Variants in PSMD5 observed in about 807,000 individuals in gnomAD.
PSMD5 encodes 26S proteasome non-ATPase regulatory subunit 5.
In PSMD5, 40 loss-of-function variants were observed where a neutral mutation model predicts 52.1. The observed-to-expected ratio is 0.77, with a 90% confidence interval of 0.60 to 1.00. The LOEUF (loss-of-function observed/expected upper bound fraction) is 1.00. Among genes scored for constraint, PSMD5 ranks in the 50% least tolerant of loss-of-function variants. The probability of loss-of-function intolerance (pLI) is 0.00; values close to 1 mark genes in which losing one functional copy is unlikely to be tolerated. For missense variants in PSMD5, 575 were observed against 605.2 expected, an observed-to-expected ratio of 0.95 and a Z score of 0.52; for synonymous variants, 211 against 226.6, an observed-to-expected ratio of 0.93 and a Z score of 0.62.
intron 5 of PSMD5, among the ~76,000 whole-genome samples, chr9:120,827,423 T>C (rs928327881): frequency 6.6e-5 from 10 of 152,246 alleles, no homozygotes; most frequent in Admixed American, 5.9e-4. Flanking sequence ...TACACAATTA[T>C]AATGCCACTG....
At chr9:120,824,791 T>A in intron 6 of PSMD5, 106 bp from the exon 7 acceptor site, 1 of 939,440 alleles carries the variant, frequency 1.1e-6, no homozygotes, top group Non-Finnish European at 1.6e-6. Context: ...CAGAAAAGCA[T>A]AGAAAGGTTA....
chr9:120,835,389 A>G (rs1310931511), intron 1 of PSMD5, among the ~76,000 whole-genome samples: 1 of 152,198 alleles, frequency 6.6e-6, no homozygotes, highest in African/African-American at 2.4e-5. Context: ...TTTGAGAATG[A>G]TTCTGTTTAT....
Position 120,820,964 on chromosome 9 carries a change from C to T in PSMD5, c.1132G>A (p.Asp378Asn). Residue 378 changes from aspartate (D) to asparagine (N), a missense_variant, in exon 9 of 10, where the codon GAT becomes AAT. Asp to Asn is a conservative substitution (Grantham distance 23). Transcript: ENST00000210313. ...LLYLPPEQQT[D>N]DLLRMTESWF... is the part of the protein sequence containing the mutation. ...GATTCTGTCATCCTCAGAAGGTCAT[C>T]AGTCTGCTGCTCAGGCTACAGGAAA... 1 of 1,592,350 alleles carries T rather than the reference C, an allele frequency of 6.3e-7. No individual in the cohort carries two copies.
In PSMD5 at chr9:120,831,190, G is replaced by T. The variant is rs767961167; in HGVS notation, c.561+141C>A. On this transcript the variant is annotated intron_variant, in intron 4 of 9. Transcript: ENST00000210313. ...TTTTTATGACTGTCTCACATACTAG[G>T]CTGGGAATGCATCCTTATATTCCCA... 5 of 872,548 alleles carry T rather than the reference G, an allele frequency of 5.7e-6. No individual in the cohort carries two copies. The East Asian group carries it at 1.2e-4, about 20-fold the overall frequency. 54.1% of individuals were successfully genotyped at this position (872,548 alleles called of 1,614,324 possible).
intron 1 of PSMD5, among the ~76,000 whole-genome samples, chr9:120,836,399 T>G (rs951396559): frequency 2.0e-5 from 2 of 100,440 alleles, no homozygotes; most frequent in East Asian, 4.1e-4. Context: ...CATCTGTACT[T>G]TTTTTTTTTT....
At chr9:120,835,328 A>G (rs2045190457) in intron 1 of PSMD5, among the ~76,000 whole-genome samples, 1 of 152,236 alleles carries the variant, frequency 6.6e-6, no homozygotes, top group Admixed American at 6.5e-5. Context: ...ATATGAATAA[A>G]CCTTTAAAAT....
At chr9:120,824,390 T>C (rs2045107455) in intron 7 of PSMD5, 104 bp downstream of exon 7, 1 of 1,103,164 alleles carries the variant, frequency 9.1e-7, no homozygotes, top group African/African-American at 1.6e-5. Context: ...CTGCCACCCA[T>C]AAAATAGTTT....
chr9:120,829,428 C>CT (rs1276169383), intron 4 of PSMD5, among the ~76,000 whole-genome samples: 6 of 152,140 alleles, frequency 3.9e-5, no homozygotes, highest in Admixed American at 3.9e-4. Flanking sequence ...GAGTCTCACT[C>CT]TGTCACCTAG....
intron 7 of PSMD5, among the ~76,000 whole-genome samples, chr9:120,821,716 T>C (rs1588066368): frequency 1.3e-5 from 2 of 152,184 alleles, no homozygotes; most frequent in South Asian, 4.1e-4. Context: ...TCCTGTGAAC[T>C]GGACTCTTTT....
chr9:120,831,855 C>G lies in PSMD5; in HGVS notation c.409G>C (p.Glu137Gln). The G allele has an allele frequency of 6.2e-7, 1 of 1,613,280 alleles. No homozygotes were observed. Among genetic ancestry groups the G allele is most frequent in the East Asian group, 2.2e-5 (1 of 44,846 alleles). ...LKQIVYCIGG[E>Q]NLSVAKAAIK... ...ACCGCTTTTGCTACAGATAGATTCT[C>G]TCCACCAATGCAATAAACAATTTGT... Residue 137 changes from glutamate (E) to glutamine (Q), a missense_variant, in exon 3 of 10, where the codon GAG becomes CAG. Glu to Gln is a conservative substitution (Grantham distance 29). Transcript: ENST00000210313.
Position 120,831,456 on chromosome 9 carries a change from T to A in PSMD5, c.436A>T (p.Ile146Phe), listed in dbSNP as rs1251873439. Residue 146 changes from isoleucine (I) to phenylalanine (F), a missense_variant, in exon 4 of 10, where the codon ATC (isoleucine) becomes TTC (phenylalanine). Transcript: ENST00000210313. Reference sequence around the variant, plus strand: ...AGTGATATTCTTGACAGGGATTTGATAGCCTTATAACGAAAGAAAATATCT... The same window carrying A: ...AGTGATATTCTTGACAGGGATTTGAAAGCCTTATAACGAAAGAAAATATCT... ...GENLSVAKAA[I>F]KSLSRISLTQ... is the part of the protein sequence containing the mutation. 1 of 1,606,562 alleles carries A rather than the reference T, an allele frequency of 6.2e-7. No homozygotes were observed. Among genetic ancestry groups the A allele is most frequent in the Non-Finnish European group, 8.5e-7 (1 of 1,177,868 alleles).
intron 7 of PSMD5, chr9:120,824,265 GAAACCTAAACCAATGA>G: frequency 1.9e-6 from 1 of 521,072 alleles, no homozygotes; most frequent in Non-Finnish European, 3.3e-6. Flanking sequence ...TCGATTGGTA[GAAACCTAAACCAATGA>G]AAACCTAAAC....
chr9:120,842,493 A>G, intron 1 of PSMD5: 1 of 563,972 alleles, frequency 1.8e-6, no homozygotes, highest in Non-Finnish European at 3.1e-6. Context: ...TGAAGAAGGC[A>G]GTGCCTCACT....
In PSMD5 at chr9:120,831,487, A is replaced by G. The variant is rs201512939; in HGVS notation, c.433-28T>C. 12 of 1,578,532 alleles carry G rather than the reference A, an allele frequency of 7.6e-6. No homozygotes were observed. The African/African-American group carries it at 1.1e-4, about 14-fold the overall frequency. On this transcript the variant is annotated intron_variant, in intron 3 of 9. Transcript: ENST00000210313. ...TATAACGAAAGAAAATATCTCTTAC[A>G]TTCCCAAAATGCAGGTTATTATCTA... is the stretch of plus-strand genomic sequence containing the variant.
At chr9:120,826,592 T>C (rs973525045) in intron 6 of PSMD5, 173 bp downstream of exon 6, 1 of 749,076 alleles carries the variant, frequency 1.3e-6, no homozygotes, top group African/African-American at 1.8e-5. Flanking sequence ...TAATGTGCTG[T>C]TGAATTTGAA....
Position 120,824,701 on chromosome 9 carries a change from A to C in PSMD5, c.815-16T>G. 1 of 1,577,112 alleles carries C rather than the reference A, an allele frequency of 6.3e-7. No homozygotes were observed. The highest frequency in any genetic ancestry group is 8.6e-7 in the Non-Finnish European group (1 of 1,163,824). Reference sequence around the variant, plus strand: ...TTCACGAATCCTAAAGAGATTTACAAAAATATATTTTAATAGGGGAACAAG... The same window carrying C: ...TTCACGAATCCTAAAGAGATTTACACAAATATATTTTAATAGGGGAACAAG... On this transcript the variant is annotated splice_polypyrimidine_tract_variant and intron_variant, in intron 6 of 9. Transcript: ENST00000210313.
At chr9:120,838,648 T>G (rs1332180781) in intron 1 of PSMD5, among the ~76,000 whole-genome samples, 1 of 152,230 alleles carries the variant, frequency 6.6e-6, no homozygotes, top group Non-Finnish European at 1.5e-5. Flanking sequence ...CCATTAAAAT[T>G]GTTCCCTAAA....
At chr9:120,828,544 C>T (rs1588069206) in intron 5 of PSMD5, among the ~76,000 whole-genome samples, 1 of 149,794 alleles carries the variant, frequency 6.7e-6, no homozygotes, top group East Asian at 2.0e-4. Context: ...TCTCCTTCCT[C>T]AGCCTCCTGA....
intron 7 of PSMD5, chr9:120,824,261 G>T (rs1456235534): frequency 1.8e-6 from 1 of 543,316 alleles, no homozygotes. Context: ...GAAATCGATT[G>T]GTAGAAACCT....
Sources: allele counts gnomAD v4.1 joint callset (sites outside exome capture counted in the v4.1 genomes callset), GRCh38; gene constraint gnomAD v4.1.1; transcripts MANE v1.5; gene names NCBI Gene and HGNC (gene_info 2026-07-23, HGNC 2026-07-21).